Variants in DAPK1 observed in about 807,000 individuals in gnomAD.
The protein encoded by DAPK1 is death associated protein kinase 1.
A neutral mutation model predicts 144.9 loss-of-function variants in DAPK1; 56 were observed. The observed-to-expected ratio is 0.39, with a 90% CI of 0.31 to 0.48. The LOEUF (loss-of-function observed/expected upper bound fraction) is 0.48, where lower values mean the gene tolerates loss of function less well. DAPK1 is among the 20% of genes least tolerant of loss of function. DAPK1 has a pLI of 0.95. For missense variants in DAPK1, 1,454 were observed against 1,875.4 expected (o/e 0.78, Z 4.15); for synonymous variants, 690 against 749.0 (o/e 0.92, Z 1.29).
chr9:87,648,135 C>T (rs1276062797), intron 14 of DAPK1, among the ~76,000 whole-genome samples: 1 of 152,252 alleles, frequency 6.6e-6, no homozygotes, highest in Non-Finnish European at 1.5e-5. Context: ...ATATCAGAGA[C>T]ACGCATTTAT....
chr9:87,560,958 G>A (rs1054092809), intron 2 of DAPK1, among the ~76,000 whole-genome samples: 5 of 152,188 alleles, frequency 3.3e-5, no homozygotes, highest in Non-Finnish European at 5.9e-5. Flanking sequence ...GAGCCACCGC[G>A]CCTGGCTAGG....
intron 2 of DAPK1, among the ~76,000 whole-genome samples, chr9:87,512,802 A>G (rs1303354134): frequency 6.6e-6 from 1 of 151,984 alleles, no homozygotes; most frequent in Non-Finnish European, 1.5e-5. Context: ...CACCATGCCC[A>G]GCTAATTTTT....
chr9:87,637,224 G>A (rs1343613793), intron 3 of DAPK1, among the ~76,000 whole-genome samples: 1 of 152,092 alleles, frequency 6.6e-6, no homozygotes, highest in African/African-American at 2.4e-5. Flanking sequence ...CTCCCGAGTA[G>A]CTGAGACTAC....
chr9:87,609,427 A>G (rs36207732), intron 3 of DAPK1, among the ~76,000 whole-genome samples: 154 of 152,294 alleles, frequency 1.0e-3, no homozygotes, highest in African/African-American at 3.4e-3. Flanking sequence ...CACCCTTACT[A>G]TTATCTTGGA....
At chr9:87,564,045 T>C (rs1827028012) in intron 2 of DAPK1, among the ~76,000 whole-genome samples, 2 of 152,218 alleles carry the variant, frequency 1.3e-5, no homozygotes, top group South Asian at 2.1e-4. Flanking sequence ...GGAGCTTCTT[T>C]TTCCTATATT....
intron 2 of DAPK1, among the ~76,000 whole-genome samples, chr9:87,527,550 G>A (rs1005764475): frequency 6.6e-6 from 1 of 152,204 alleles, no homozygotes; most frequent in Admixed American, 6.5e-5. Flanking sequence ...GGTGAGGTCC[G>A]TTCCTGGAAT....
intron 2 of DAPK1, among the ~76,000 whole-genome samples, chr9:87,571,783 C>T (rs954578182): frequency 3.3e-5 from 5 of 152,088 alleles, no homozygotes; most frequent in Non-Finnish European, 4.4e-5. Context: ...TGGGGGATAC[C>T]CTTGATTATT....
intron 2 of DAPK1, among the ~76,000 whole-genome samples, chr9:87,524,001 G>C (rs759520451): frequency 1.3e-5 from 2 of 152,236 alleles, no homozygotes; most frequent in Admixed American, 1.3e-4. Flanking sequence ...TGAGTGCACT[G>C]TCTAAACATG....
intron 21 of DAPK1, among the ~76,000 whole-genome samples, chr9:87,690,688 C>T (rs911212636): frequency 2.6e-5 from 4 of 151,718 alleles, no homozygotes; most frequent in African/African-American, 7.3e-5. Context: ...GGTATGGGTT[C>T]GTCATGTATG....
rs571314288 is a variant in DAPK1, at chr9:87,642,918, C to T, written c.919-458C>T. Among the ~76,000 whole-genome samples the T allele has an allele frequency of 4.6e-5, 7 of 152,352 alleles. No homozygotes were observed. The South Asian group carries it at 1.2e-3, about 27-fold the overall frequency. On this transcript the variant is annotated intron_variant, in intron 10 of 25. Transcript: ENST00000408954. ...GACTAAGAGGTCCCCCAGCTGTTCACTTCCAACAGCTGTTGCGTTTTGGTT... is the reference window on the plus strand; with the variant it reads ...GACTAAGAGGTCCCCCAGCTGTTCATTTCCAACAGCTGTTGCGTTTTGGTT...
At chr9:87,681,919 G>A (rs1299299168) in intron 20 of DAPK1, among the ~76,000 whole-genome samples, 9 of 152,212 alleles carry the variant, frequency 5.9e-5, no homozygotes, top group African/African-American at 2.2e-4. Context: ...TGCACAGTCA[G>A]CTTTGGGGAC....
chr9:87,657,488 C>G (rs1317343056), intron 17 of DAPK1: 1 of 162,970 alleles, frequency 6.1e-6, no homozygotes, highest in East Asian at 1.9e-4. Flanking sequence ...TGCACCTCTT[C>G]AAGCGAGTAG....
At chr9:87,541,348 G>C (rs1053170029) in intron 2 of DAPK1, among the ~76,000 whole-genome samples, 3 of 152,226 alleles carry the variant, frequency 2.0e-5, no homozygotes, top group Admixed American at 2.0e-4. Flanking sequence ...AGGAGTTTGA[G>C]ACCAGCCTCG....
At chr9:87,552,944 G>C (rs1275598431) in intron 2 of DAPK1, among the ~76,000 whole-genome samples, 1 of 152,078 alleles carries the variant, frequency 6.6e-6, no homozygotes. Context: ...TTCAGTGGCA[G>C]TAAGAACATT....
chr9:87,706,200 C>A lies in DAPK1; in HGVS notation c.3129C>A (p.Asn1043Lys). The change falls in exon 26 of 26, where the codon AAC (asparagine) becomes AAA (lysine). Residue 1043 changes from asparagine to lysine, a missense_variant. By Grantham distance (94) the Asn-to-Lys change is moderately conservative. Coordinates refer to ENST00000408954, the MANE Select transcript of DAPK1 (RefSeq NM_004938.4). This position sits in a 1 kb window ranked among gnomAD's most constrained non-coding sequence, Gnocchi z 9.0. ...TGGACCCCCGCTGGCTCTGCACAAA[C>A]GTCCTGGGGAAGTTGCTGTCCGTGG... ...LLLDPRWLCTNVLGKLLSVET... is the reference protein window; with the variant it reads ...LLLDPRWLCTKVLGKLLSVET... 1.9e-6 allele frequency: 3 copies of A among 1,612,414 alleles called. No individual in the cohort carries two copies. The highest frequency in any genetic ancestry group is 2.5e-6 in the Non-Finnish European group (3 of 1,178,538).
rs1564111072 is a variant in DAPK1, at chr9:87,499,092, G to T, written c.15G>T (p.Arg5Ser). The change falls in exon 2 of 26, where the codon AGG becomes AGT. Residue 5 changes from arginine to serine, a missense_variant. Arg to Ser is a moderately radical substitution (Grantham distance 110, BLOSUM62 -1). Around this residue, in one of 2 missense-constraint regions of DAPK1, gnomAD observed 429 missense variants for 637.5 expected, o/e 0.67. Coordinates refer to ENST00000408954, the MANE Select transcript of DAPK1 (RefSeq NM_004938.4). MTVF[R>S]QENVDDYYDT... Reference sequence around the variant, plus strand: ...GACAGTTTATCATGACCGTGTTCAGGCAGGAAAACGTGGATGATTACTACG... The same window carrying T: ...GACAGTTTATCATGACCGTGTTCAGTCAGGAAAACGTGGATGATTACTACG... The T allele has an allele frequency of 1.2e-6, 2 of 1,614,016 alleles. No homozygotes were observed. The highest frequency in any genetic ancestry group is 1.7e-6 in the Non-Finnish European group (2 of 1,180,018).
In DAPK1 at chr9:87,686,618, G is replaced by A; in HGVS notation, c.2292G>A (p.Met764Ile). 1 of 1,609,346 alleles carries A rather than the reference G, an allele frequency of 6.2e-7. No homozygotes were observed. The highest frequency in any genetic ancestry group is 8.5e-7 in the Non-Finnish European group (1 of 1,177,094). Reference protein sequence around the residue: ...ENVSVRSRSMMFEPGLTKGML... With the variant: ...ENVSVRSRSMIFEPGLTKGML... ...TGAGTGTGAGGAGCCGCAGCATGAT[G>A]TTCGAGCCGGGTCTTACCAAAGGGA... The change falls in exon 21 of 26, where the codon ATG becomes ATA. Residue 764 changes from methionine (M) to isoleucine (I), a missense_variant. Met to Ile is a conservative substitution (Grantham distance 10). Around this residue, in one of 2 missense-constraint regions of DAPK1, gnomAD observed 1,025 missense variants for 1,237.9 expected, o/e 0.83. Transcript: ENST00000408954. The surrounding 1 kb of genome is among the most constrained non-coding windows in gnomAD (Gnocchi z 4.2).
chr9:87,607,546 C>T (rs1828773327), intron 3 of DAPK1, among the ~76,000 whole-genome samples: 1 of 152,180 alleles, frequency 6.6e-6, no homozygotes. Context: ...CCATTAGGTG[C>T]ATTTACTCTG....
At chr9:87,572,526 C>A (rs1827396970) in intron 2 of DAPK1, among the ~76,000 whole-genome samples, 1 of 152,070 alleles carries the variant, frequency 6.6e-6, no homozygotes, top group African/African-American at 2.4e-5. Flanking sequence ...GTGTTTGGGT[C>A]ATGAGGGTAG....
Sources: gnomAD v4.1 joint callset for allele counts (sites outside exome capture counted in the v4.1 genomes callset) on GRCh38, gnomAD v4.1.1 for gene constraint, gnomAD v4.1.1 regional missense constraint, Gnocchi (gnomAD v3.1) non-coding constraint, MANE v1.5 for transcripts, NCBI Gene and HGNC (gene_info 2026-07-23, HGNC 2026-07-21) for gene names.